The following NAV2 variants were observed in gnomAD, a reference collection of about 807,000 sequenced individuals.
The protein encoded by NAV2 is helicase, APC down-regulated 1.
NAV2 carries 54 observed loss-of-function variants against 223.2 expected under a neutral mutation model. The observed-to-expected ratio is 0.24, with a 90% CI of 0.19 to 0.30. NAV2 has a LOEUF of 0.30. Among genes scored for constraint, NAV2 ranks in the 10% least tolerant of loss-of-function variants. The pLI is 1.00. For synonymous variants in NAV2, 1,279 were observed against 1,239.3 expected, an observed-to-expected ratio of 1.03 and a Z score of -0.67; for missense variants, 2,806 against 3,147.5, an observed-to-expected ratio of 0.89 and a Z score of 2.60.
At chr11:19,985,057 G>A (rs755515740) in intron 11 of NAV2, among the ~76,000 whole-genome samples, 18 of 152,234 alleles carry the variant, frequency 1.2e-4, no homozygotes, top group African/African-American at 4.3e-4. Flanking sequence ...TTGATGAGAT[G>A]TAACATGGAA....
chr11:19,371,426 A>C (rs894880090), intron 1 of NAV2, among the ~76,000 whole-genome samples: 1 of 152,134 alleles, frequency 6.6e-6, no homozygotes, highest in Admixed American at 6.6e-5. Flanking sequence ...CAAAAAAGGG[A>C]AGCAACTTGC....
At position 20,077,541 on chromosome 11, in the gene NAV2, T is replaced by G; in HGVS notation, c.4984-11T>G. On this transcript the variant is annotated splice_polypyrimidine_tract_variant and intron_variant, in intron 22 of 37. Transcript: ENST00000349880. ...AAGGTAATATAACTGAGGTTGTGTC[T>G]TCCCCTCCAGGCTCACCTTGTGGCA... 1 of 1,608,266 alleles carries G rather than the reference T, an allele frequency of 6.2e-7. No homozygotes were observed.
At chr11:19,960,564 C>A (rs1241444238) in intron 10 of NAV2, among the ~76,000 whole-genome samples, 1 of 151,116 alleles carries the variant, frequency 6.6e-6, no homozygotes, top group South Asian at 2.1e-4. Flanking sequence ...TGTCCTGCAT[C>A]CTTTAGGGCC....
At chr11:19,466,535 C>T (rs569317656) in intron 1 of NAV2, among the ~76,000 whole-genome samples, 4 of 152,302 alleles carry the variant, frequency 2.6e-5, no homozygotes, top group South Asian at 4.1e-4. Context: ...GAATTGCTTG[C>T]ATGATGCAGA....
chr11:19,861,746 C>T (rs1353662203), intron 3 of NAV2, among the ~76,000 whole-genome samples: 1 of 152,198 alleles, frequency 6.6e-6, no homozygotes, highest in African/African-American at 2.4e-5. Context: ...CTTGATGATT[C>T]CTTTTGGAAG....
intron 11 of NAV2, among the ~76,000 whole-genome samples, chr11:20,023,701 T>TGGGTGG (rs1428029064): frequency 1.6e-3 from 24 of 15,356 alleles, no homozygotes; most frequent in Non-Finnish European, 3.8e-3. Flanking sequence ...AATTGCTGGG[T>TGGGTGG]GTGTGTGTGT....
At chr11:19,577,766 A>G (rs1031393023) in intron 1 of NAV2, among the ~76,000 whole-genome samples, 2 of 152,186 alleles carry the variant, frequency 1.3e-5, no homozygotes, top group African/African-American at 4.8e-5. Context: ...TTGAGGAGCC[A>G]TGGACCAGGC....
At chr11:20,105,382 C>T in intron 34 of NAV2, 149 bp from the exon 35 acceptor site, 1 of 600,040 alleles carries the variant, frequency 1.7e-6, no homozygotes, top group South Asian at 2.3e-5. Context: ...TACATAGTTA[C>T]AATGTTTAGA....
intron 1 of NAV2, among the ~76,000 whole-genome samples, chr11:19,485,897 T>G (rs2042428456): frequency 6.6e-6 from 1 of 152,034 alleles, no homozygotes; most frequent in African/African-American, 2.4e-5. Flanking sequence ...CTTGTGTTAT[T>G]ACAGTATACA....
intron 3 of NAV2, among the ~76,000 whole-genome samples, chr11:19,857,861 A>G (rs1226271121): frequency 6.6e-6 from 1 of 152,070 alleles, no homozygotes; most frequent in Non-Finnish European, 1.5e-5. Flanking sequence ...TCATTTTTTA[A>G]TTATTATTAT....
At chr11:19,700,358 A>C (rs753863289) in intron 1 of NAV2, among the ~76,000 whole-genome samples, 7 of 152,182 alleles carry the variant, frequency 4.6e-5, no homozygotes, top group Non-Finnish European at 8.8e-5. Flanking sequence ...ATCAAATTCC[A>C]AAATCATCCT....
intron 1 of NAV2, among the ~76,000 whole-genome samples, chr11:19,795,997 G>C (rs1434663554): frequency 6.6e-6 from 1 of 152,102 alleles, no homozygotes; most frequent in Admixed American, 6.5e-5. Flanking sequence ...CATGGACTCA[G>C]GTAGTGAGCA....
At chr11:19,655,446 T>C (rs1370629336) in intron 1 of NAV2, among the ~76,000 whole-genome samples, 1 of 152,126 alleles carries the variant, frequency 6.6e-6, no homozygotes, top group Non-Finnish European at 1.5e-5. Context: ...TGCAGACGTA[T>C]GTTTATTGTG....
At chr11:20,068,102 T>C in intron 20 of NAV2, 84 bp from the exon 21 acceptor site, 1 of 1,208,930 alleles carries the variant, frequency 8.3e-7, no homozygotes, top group Non-Finnish European at 1.2e-6. Flanking sequence ...GCTGCAACCA[T>C]CTGAATATGG....
intron 1 of NAV2, among the ~76,000 whole-genome samples, chr11:19,398,206 T>A (rs60724692): frequency 6.6e-6 from 1 of 151,934 alleles, no homozygotes; most frequent in African/African-American, 2.4e-5. Flanking sequence ...GGAAGGCAAA[T>A]TGGGAGCCTG....
intron 7 of NAV2, among the ~76,000 whole-genome samples, chr11:19,935,865 T>TTTTTTTTTTTTTTTTTTTTTTTG (rs1254400464): frequency 8.6e-6 from 1 of 116,106 alleles, no homozygotes; most frequent in East Asian, 2.7e-4. Context: ...TTTTTTTTTT[T>TTTTTTTTTTTTTTTTTTTTTTTG]TTTTTTTTTT....
intron 17 of NAV2, among the ~76,000 whole-genome samples, chr11:20,053,444 T>C (rs1004119723): frequency 5.3e-5 from 8 of 152,156 alleles, no homozygotes; most frequent in African/African-American, 1.9e-4. Flanking sequence ...ACCTAGCACA[T>C]TGCAGATGTT....
At chr11:19,907,531 AG>A (rs920662509) in intron 6 of NAV2, among the ~76,000 whole-genome samples, 4 of 31,876 alleles carry the variant, frequency 1.3e-4, no homozygotes, top group Admixed American at 1.1e-3. Flanking sequence ...TCATAGGGGG[AG>A]GGGGAATTTG....
In NAV2 at chr11:19,838,270, C is replaced by A. The variant is rs1450319586; in HGVS notation, c.386-4601C>A. 2.6e-5 allele frequency among the ~76,000 whole-genome samples: 4 copies of A among 152,090 alleles called. No homozygotes were observed. The East Asian group carries it at 7.7e-4, about 29-fold the overall frequency. On this transcript the variant is annotated intron_variant, in intron 2 of 37. Coordinates refer to ENST00000349880, the MANE Select transcript of NAV2 (RefSeq NM_145117.5). The stretch of plus-strand genomic sequence containing the variant: ...TAGTGATGATGGCATGGTTGAGGAC[C>A]CACTCCATCGTGGGTCAGGTGCTCA...
Sources: gnomAD v4.1 joint callset for allele counts (sites outside exome capture counted in the v4.1 genomes callset) on GRCh38, gnomAD v4.1.1 for gene constraint, MANE v1.5 for transcripts, NCBI Gene and HGNC (gene_info 2026-07-23, HGNC 2026-07-21) for gene names.